Variants in PET100 observed in about 807,000 individuals in gnomAD.
PET100 encodes protein PET100 homolog, mitochondrial.
PET100 carries 13 observed loss-of-function variants against 13.6 expected under a neutral mutation model. That is an observed-to-expected ratio of 0.96 (90% CI 0.62 to 1.52). The LOEUF (loss-of-function observed/expected upper bound fraction) is 1.52. PET100 is among the 40% of genes most tolerant of loss of function. The probability of loss-of-function intolerance (pLI) is 0.00; values close to 1 mark genes in which losing one functional copy is unlikely to be tolerated. For missense variants in PET100, 94 were observed against 95.3 expected (o/e 0.99, Z 0.06); for synonymous variants, 28 against 30.8 (o/e 0.91, Z 0.30).
chr19:7,630,462 G>C (rs1347134667), intron 1 of PET100, 111 bp from the exon 2 acceptor site: 1 of 835,504 alleles, frequency 1.2e-6, no homozygotes, highest in Non-Finnish European at 1.9e-6. Context: ...TCTTGGGTCG[G>C]CCGTAACGAG....
intron 3 of PET100, 199 bp downstream of exon 3, chr19:7,631,045 C>T (rs1466486644): frequency 1.3e-6 from 1 of 779,138 alleles, no homozygotes; most frequent in East Asian, 2.7e-5. Flanking sequence ...CCCATGTCTA[C>T]AGAAATACAA....
Position 7,630,707 on chromosome 19 carries a change from G to A in PET100, c.114+48G>A, listed in dbSNP as rs377271102. On this transcript the variant is annotated intron_variant, in intron 2 of 3. Coordinates refer to ENST00000594797, the MANE Select transcript of PET100 (RefSeq NM_001171155.2). Reference sequence around the variant, plus strand: ...AGGGTTCATTCCAGGGGTGGGAGAGGGTGTGGGGCAGCAGTCTGCTGGGGA... The same window carrying A: ...AGGGTTCATTCCAGGGGTGGGAGAGAGTGTGGGGCAGCAGTCTGCTGGGGA... 5.9e-6 allele frequency: 9 copies of A among 1,531,828 alleles called. No homozygotes were observed. In the South Asian group the frequency reaches 8.3e-5, roughly 14 times the overall value. 94.9% of individuals were successfully genotyped at this position (1,531,828 alleles called of 1,614,324 possible). A position where few individuals can be genotyped will look rare whatever the true frequency, so the allele number is the denominator to read the frequency against.
Position 7,631,667 on chromosome 19 carries a change from A to G in PET100, c.*111A>G. 1.4e-6 allele frequency: 2 copies of G among 1,468,540 alleles called. No individual in the cohort carries two copies. Among genetic ancestry groups the G allele is most frequent in the Non-Finnish European group, 1.8e-6 (2 of 1,109,072 alleles). The allele number at this position is 1,468,540 out of a possible 1,614,324, so 91.0% of individuals were successfully genotyped here. A position where few individuals can be genotyped will look rare whatever the true frequency, so the allele number is the denominator to read the frequency against. On this transcript the variant is annotated 3_prime_UTR_variant, in exon 4 of 4. Coordinates refer to ENST00000594797, the MANE Select transcript of PET100 (RefSeq NM_001171155.2). Reference sequence around the variant, plus strand: ...TTTATCAGTTTTTGGGGGCCGAGTGAGACCCAGGATGCCTCAGGCCCTCAG... The same window carrying G: ...TTTATCAGTTTTTGGGGGCCGAGTGGGACCCAGGATGCCTCAGGCCCTCAG...
chr19:7,631,300 C>G, intron 3 of PET100, 173 bp from the exon 4 acceptor site: 1 of 1,408,992 alleles, frequency 7.1e-7, no homozygotes, highest in Non-Finnish European at 9.2e-7. Flanking sequence ...AAGAGTGAAG[C>G]GGATCCCACG....
At chr19:7,630,113 T>C in intron 1 of PET100, 1 of 376,264 alleles carries the variant, frequency 2.7e-6, no homozygotes, top group Non-Finnish European at 4.6e-6. Context: ...AGGGGTGAGC[T>C]GAGAAGGGGG....
At chr19:7,630,388 C>G (rs1428461211) in intron 1 of PET100, 185 bp from the exon 2 acceptor site, 6 of 600,558 alleles carry the variant, frequency 1.0e-5, no homozygotes, top group Non-Finnish European at 1.8e-5. Context: ...ATGAGGCCTC[C>G]TGGATTATAG....
intron 3 of PET100, 119 bp downstream of exon 3, chr19:7,630,965 A>C: frequency 1.5e-6 from 2 of 1,306,370 alleles, no homozygotes; most frequent in South Asian, 1.3e-5. Context: ...ATCCCAGGGC[A>C]TGGGAGGCTG....
In PET100 at chr19:7,629,822, G is replaced by C. The variant is rs1283257745; in HGVS notation, c.-12G>C. ...TTGGGCGGAACTGGCTTTGTTGACC[G>C]GGAGAAACGAGATGGGGGTGAAGCT... On this transcript the variant is annotated 5_prime_UTR_variant, in exon 1 of 4. Coordinates refer to ENST00000594797, the MANE Select transcript of PET100 (RefSeq NM_001171155.2). 2.6e-6 allele frequency: 4 copies of C among 1,536,698 alleles called. No homozygotes were observed. The highest frequency in any genetic ancestry group is 4.9e-5 in the East Asian group (2 of 40,922).
rs1319238466 is a variant in PET100 at position 7,631,614 on chromosome 19, C to T, written c.*58C>T. The T allele has an allele frequency of 4.8e-6, 7 of 1,469,806 alleles. No individual in the cohort carries two copies. The Admixed American group carries it at 1.5e-4, about 31-fold the overall frequency. 91.0% of individuals were successfully genotyped at this position (1,469,806 alleles called of 1,614,324 possible). On this transcript the variant is annotated 3_prime_UTR_variant, in exon 4 of 4. Coordinates refer to ENST00000594797, the MANE Select transcript of PET100 (RefSeq NM_001171155.2). ...GATGAAATATACATATACTCAGTTC[C>T]TTGTTATTCATTTAAGTGTTTTATT...
At chr19:7,631,435 C>T (rs776208765) in intron 3 of PET100, 38 bp from the exon 4 acceptor site, 6 of 1,510,980 alleles carry the variant, frequency 4.0e-6, no homozygotes, top group South Asian at 3.7e-5. Context: ...GTGTGTGCCC[C>T]TCCCCCCTTC....
At chr19:7,630,757 A>C in intron 2 of PET100, 66 bp from the exon 3 acceptor site, 1 of 1,536,284 alleles carries the variant, frequency 6.5e-7, no homozygotes, top group Non-Finnish European at 8.7e-7. Context: ...CCATAAGCCG[A>C]CCCTGCCCTG....
chr19:7,630,034 G>A, intron 1 of PET100, 174 bp downstream of exon 1: 1 of 816,390 alleles, frequency 1.2e-6, no homozygotes, highest in Non-Finnish European at 1.8e-6. Context: ...CTGGGCTGGG[G>A]GGGTTCTCGG....
chr19:7,631,729 C>T lies in PET100; in HGVS notation c.*173C>T, dbSNP rs143514093. The T allele has an allele frequency of 3.3e-5, 47 of 1,440,518 alleles. No homozygotes were observed. Among genetic ancestry groups the T allele is most frequent in the African/African-American group, 2.8e-4 (19 of 68,670 alleles). The allele number at this position is 1,440,518 out of a possible 1,614,324, so 89.2% of individuals were successfully genotyped here. On this transcript the variant is annotated 3_prime_UTR_variant, in exon 4 of 4. Transcript: ENST00000594797. Reference sequence around the variant, plus strand: ...CGGGGGCTGGGGGCTGCTGTTCCGACGGAAGCCGAGAGCGGTCGGGTCCTG... The same window carrying T: ...CGGGGGCTGGGGGCTGCTGTTCCGATGGAAGCCGAGAGCGGTCGGGTCCTG...
chr19:7,631,718 TG>T lies in PET100; in HGVS notation c.*163del, dbSNP rs747426932. Reference sequence around the variant, plus strand: ...GGGGCTTGTGTCGGGGGCTGGGGGCTGCTGTTCCGACGGAAGCCGAGAGCGG... The same window carrying T: ...GGGGCTTGTGTCGGGGGCTGGGGGCTCTGTTCCGACGGAAGCCGAGAGCGG... On this transcript the variant is annotated 3_prime_UTR_variant, in exon 4 of 4. Coordinates refer to ENST00000594797, the MANE Select transcript of PET100 (RefSeq NM_001171155.2). 1 of 1,448,930 alleles carries T rather than the reference TG, an allele frequency of 6.9e-7. No homozygotes were observed. Among genetic ancestry groups the T allele is most frequent in the Non-Finnish European group, 9.1e-7 (1 of 1,099,236 alleles). The allele number at this position is 1,448,930 out of a possible 1,614,324, so 89.8% of individuals were successfully genotyped here.
chr19:7,630,738 G>C lies in PET100; in HGVS notation c.114+79G>C. 6 of 1,533,404 alleles carry C rather than the reference G, an allele frequency of 3.9e-6. 1 individual carries two copies. The South Asian group carries it at 7.1e-5, about 18-fold the overall frequency. 95.0% of individuals were successfully genotyped at this position (1,533,404 alleles called of 1,614,324 possible). On this transcript the variant is annotated intron_variant, in intron 2 of 3. Transcript: ENST00000594797. Reference sequence around the variant, plus strand: ...GGGCAGCAGTCTGCTGGGGACTAATGTCTGCCTCCCATAAGCCGACCCTGC... The same window carrying C: ...GGGCAGCAGTCTGCTGGGGACTAATCTCTGCCTCCCATAAGCCGACCCTGC...
intron 1 of PET100, chr19:7,630,275 T>C (rs1361219538): frequency 4.3e-6 from 2 of 466,570 alleles, no homozygotes; most frequent in Non-Finnish European, 7.7e-6. Flanking sequence ...TAAGTGGGGA[T>C]GGGTAATGAG....
At chr19:7,631,080 C>A in intron 3 of PET100, 1 of 729,298 alleles carries the variant, frequency 1.4e-6, no homozygotes, top group Non-Finnish European at 2.2e-6. Flanking sequence ...TGGTGGCAGG[C>A]GCCTATAATT....
intron 3 of PET100, 172 bp from the exon 4 acceptor site, chr19:7,631,301 G>GACCACCGA: frequency 1.4e-6 from 2 of 1,412,508 alleles, no homozygotes; most frequent in Admixed American, 3.1e-5. Flanking sequence ...AGAGTGAAGC[G>GACCACCGA]GATCCCACGC....
intron 3 of PET100, 104 bp downstream of exon 3, chr19:7,630,950 T>A (rs982631802): frequency 2.6e-5 from 37 of 1,407,174 alleles, no homozygotes; most frequent in African/African-American, 4.3e-5. Flanking sequence ...TGGCTCATGC[T>A]TGTAATCCCA....
Sources: allele counts gnomAD v4.1 joint callset, GRCh38; gene constraint gnomAD v4.1.1; transcripts MANE v1.5; gene names NCBI Gene and HGNC (gene_info 2026-07-23, HGNC 2026-07-21).